SYTL5: variants seen among roughly 807,000 people sequenced by gnomAD.
SYTL5 encodes synaptotagmin-like protein 5.
A neutral mutation model predicts 55.9 loss-of-function variants in SYTL5; 34 were observed. The ratio of observed to expected loss-of-function variants is 0.61; its 90% confidence interval spans 0.46 to 0.81. The LOEUF (loss-of-function observed/expected upper bound fraction) is 0.81. SYTL5 is among the 30% of genes least tolerant of loss of function. SYTL5 has a pLI of 0.00. For missense variants in SYTL5, 637 were observed against 546.7 expected (o/e 1.17, Z -1.65); for synonymous variants, 221 against 188.7 (o/e 1.17, Z -1.40).
intron 9 of SYTL5, among the ~76,000 whole-genome samples, chrX:38,097,442 A>G (rs1446112862): frequency 9.0e-6 from 1 of 110,995 alleles, no homozygotes; most frequent in Non-Finnish European, 1.9e-5. Flanking sequence ...GAAATTAAGA[A>G]TATAATTCCA....
At chrX:38,081,946 A>C (rs1366920455) in intron 6 of SYTL5, among the ~76,000 whole-genome samples, 3 of 111,571 alleles carry the variant, frequency 2.7e-5, no homozygotes, top group African/African-American at 9.8e-5. Flanking sequence ...GGTAGAGGTA[A>C]GTGCTGAAGG....
chrX:38,121,164 A>C (rs2147707827), intron 14 of SYTL5, among the ~76,000 whole-genome samples: 1 of 110,991 alleles, frequency 9.0e-6, no homozygotes, highest in East Asian at 2.9e-4. Flanking sequence ...ACAGGAATTC[A>C]CTCACTATCA....
the SYTL5 span, among the ~76,000 whole-genome samples, chrX:37,999,405 G>A: frequency 1.8e-5 from 2 of 112,624 alleles, 1 homozygote; most frequent in African/African-American, 6.5e-5. Flanking sequence ...TCCTCTTAAT[G>A]TTCTAGAATA....
the SYTL5 span, among the ~76,000 whole-genome samples, chrX:37,929,297 T>G: frequency 9.0e-5 from 10 of 111,069 alleles, no homozygotes; most frequent in Non-Finnish European, 1.9e-4. Context: ...GATAAGGGCT[T>G]TTCTTCTCAG....
the SYTL5 span, among the ~76,000 whole-genome samples, chrX:37,905,438 T>TG: frequency 2.2e-3 from 102 of 46,271 alleles, no homozygotes; most frequent in Non-Finnish European, 3.6e-3. Context: ...TGTGTGTGTG[T>TG]GGGGGGGGCG....
intron 2 of SYTL5, among the ~76,000 whole-genome samples, chrX:38,046,533 G>A (rs1446646447): frequency 9.0e-6 from 1 of 111,500 alleles, no homozygotes; most frequent in East Asian, 2.8e-4. Flanking sequence ...TTCCCACCAG[G>A]TCCCTCCCAC....
the SYTL5 span, among the ~76,000 whole-genome samples, chrX:37,985,853 T>G: frequency 2.7e-5 from 3 of 110,853 alleles, no homozygotes; most frequent in Non-Finnish European, 5.7e-5. Context: ...AAATTGAGAG[T>G]CCAGAAATAA....
In SYTL5 at chrX:38,122,213, G is replaced by A; in HGVS notation, c.1839G>A (p.Lys613=). ...KSGGTSDSFV[K]GYLLPDDSKA... ...GAGGCACTTCTGATAGCTTTGTGAA[G>A]GGGTAACTTTGTTTTAGCTCTTTTT... Residue 613 remains lysine, a splice_region_variant and synonymous_variant, in exon 15 of 17, where the codon AAG becomes AAA. Transcript: ENST00000297875. 8.3e-7 allele frequency: 1 copy of A among 1,204,478 alleles called. No homozygotes were observed. The highest frequency in any genetic ancestry group is 1.1e-6 in the Non-Finnish European group (1 of 891,800).
At chrX:38,112,936 A>G (rs899051225) in intron 13 of SYTL5, among the ~76,000 whole-genome samples, 1 of 112,416 alleles carries the variant, frequency 8.9e-6, no homozygotes, top group Non-Finnish European at 1.9e-5. Context: ...CCCTAGTAAT[A>G]GGGGATCAGA....
At chrX:37,935,630 C>G in the SYTL5 span, among the ~76,000 whole-genome samples, 10 of 111,703 alleles carry the variant, frequency 9.0e-5, no homozygotes, top group South Asian at 3.7e-4. Context: ...TAAATTGGAG[C>G]AGTGTTTTTT....
chrX:38,094,657 T>C (rs1829555434), intron 8 of SYTL5, among the ~76,000 whole-genome samples: 1 of 111,787 alleles, frequency 8.9e-6, no homozygotes. Flanking sequence ...TCTTGCCAGG[T>C]ATCATCACTG....
chrX:38,072,091 C>CAA lies in SYTL5; in HGVS notation c.377_378dup (p.Arg127AsnfsTer19). ...GGTGAGTGGTTTTTTGAAGAAAAGGCAAAACGTTTCAAGCAAGTCAATGTT... is the reference window on the plus strand; with the variant it reads ...GGTGAGTGGTTTTTTGAAGAAAAGGCAAAAAACGTTTCAAGCAAGTCAATGTT... On this transcript the variant is annotated frameshift_variant, in exon 4 of 17. Coordinates refer to ENST00000297875, the MANE Select transcript of SYTL5 (RefSeq NM_138780.3). LOFTEE classifies it high-confidence loss of function. The CAA allele has an allele frequency of 8.3e-7, 1 of 1,210,094 alleles. No individual in the cohort carries two copies. Among genetic ancestry groups the CAA allele is most frequent in the Non-Finnish European group, 1.1e-6 (1 of 894,527 alleles).
chrX:37,957,887 A>G, the SYTL5 span, among the ~76,000 whole-genome samples: 1 of 112,392 alleles, frequency 8.9e-6, no homozygotes, highest in African/African-American at 3.2e-5. Flanking sequence ...ATCAACTCTT[A>G]GTCAATTTTC....
rs1937711146 is a variant in SYTL5 at position 38,128,240 on chromosome X, A to T, written c.*1510A>T. 1 of 112,407 alleles carries T rather than the reference A, an allele frequency of 8.9e-6. No homozygotes were observed. Among genetic ancestry groups the T allele is most frequent in the Non-Finnish European group, 1.9e-5 (1 of 53,282 alleles). 9.3% of individuals were successfully genotyped at this position (112,407 alleles called of 1,213,427 possible). A position where few individuals can be genotyped will look rare whatever the true frequency, so the allele number is the denominator to read the frequency against. ...TGCCCAAGGCCATATAGAGGCTGTG[A>T]CTAAATCTGGACTTAAATCCAGACT... On this transcript the variant is annotated 3_prime_UTR_variant, in exon 17 of 17. Coordinates refer to ENST00000297875, the MANE Select transcript of SYTL5 (RefSeq NM_138780.3).
At chrX:37,943,657 G>A in the SYTL5 span, among the ~76,000 whole-genome samples, 377 of 111,514 alleles carry the variant, frequency 3.4e-3, 2 homozygotes, top group African/African-American at 0.012. Flanking sequence ...GCTTATACTT[G>A]ATTCTACAGG....
At chrX:37,996,581 GC>G in the SYTL5 span, among the ~76,000 whole-genome samples, 1 of 112,702 alleles carries the variant, frequency 8.9e-6, no homozygotes, top group Non-Finnish European at 1.9e-5. Context: ...GGTCAAGACT[GC>G]AGAAAACTTC....
In SYTL5 at chrX:38,032,071, C is replaced by T. The variant is rs746863366; in HGVS notation, c.-356-1463C>T. Among the ~76,000 whole-genome samples the T allele has an allele frequency of 2.3e-4, 26 of 112,209 alleles. No homozygotes were observed. In the South Asian group the frequency reaches 9.1e-3, roughly 39 times the overall value. On this transcript the variant is annotated intron_variant, in intron 1 of 16. Transcript: ENST00000297875. ...TCGAGGAAGCTCTGGACAAGATCCT[C>T]TCCTTTCAGATCTCCTGAGATTTTG...
At chrX:38,114,956 T>G (rs970304426) in intron 13 of SYTL5, among the ~76,000 whole-genome samples, 45 of 112,191 alleles carry the variant, frequency 4.0e-4, no homozygotes, top group Non-Finnish European at 9.4e-5. Flanking sequence ...CATGCAGTGT[T>G]CATCTTTCTG....
the SYTL5 span, among the ~76,000 whole-genome samples, chrX:37,955,596 G>A: frequency 8.9e-6 from 1 of 111,853 alleles, no homozygotes; most frequent in Admixed American, 9.5e-5. Context: ...TCTGACTGGG[G>A]AAAATGCTCA....
Sources: allele counts gnomAD v4.1 joint callset (sites outside exome capture counted in the v4.1 genomes callset), GRCh38; gene constraint gnomAD v4.1.1; transcripts MANE v1.5; gene names NCBI Gene and HGNC (gene_info 2026-07-23, HGNC 2026-07-21).